The following LINC01488 variants were observed in gnomAD, a reference collection of about 807,000 sequenced individuals.
LINC01488 encodes the protein long independently transcribed non-coding RNA 1488.
At chr11:69,484,259 G>T (rs1236290143) in intron 1 of LINC01488, among the ~76,000 whole-genome samples, 1 of 152,208 alleles carries the variant, frequency 6.6e-6, no homozygotes, top group African/African-American at 2.4e-5. Flanking sequence ...GGGAGAAGGA[G>T]AGTCAGCGCT....
intron 1 of LINC01488, among the ~76,000 whole-genome samples, chr11:69,483,629 C>A (rs927402537): frequency 3.9e-5 from 6 of 152,202 alleles, no homozygotes; most frequent in Non-Finnish European, 7.3e-5. Context: ...GAAGAGGCTG[C>A]TGTGGTCAGG....
intron 1 of LINC01488, among the ~76,000 whole-genome samples, chr11:69,484,198 C>T (rs1305969953): frequency 6.6e-6 from 1 of 152,188 alleles, no homozygotes; most frequent in Non-Finnish European, 1.5e-5. Context: ...CCTCAGAACA[C>T]TCAGCCAAGA....
exon 4 of LINC01488, chr11:69,492,767 G>A (rs946370777): frequency 6.6e-6 from 1 of 152,232 alleles, no homozygotes; most frequent in Non-Finnish European, 1.5e-5. Flanking sequence ...CTGTACGGGG[G>A]TTAAAGAGGA....
chr11:69,483,613 G>A (rs1857068702), intron 1 of LINC01488, among the ~76,000 whole-genome samples: 1 of 152,214 alleles, frequency 6.6e-6, no homozygotes, highest in Non-Finnish European at 1.5e-5. Flanking sequence ...TGGGCTCAGA[G>A]GAGGGGAAGA....
chr11:69,489,518 G>A (rs1048207535), intron 1 of LINC01488, among the ~76,000 whole-genome samples: 1 of 152,220 alleles, frequency 6.6e-6, no homozygotes, highest in African/African-American at 2.4e-5. Context: ...TTTCCCACAG[G>A]CCTCCCATGT....
intron 1 of LINC01488, among the ~76,000 whole-genome samples, chr11:69,486,415 C>T (rs1021212123): frequency 6.6e-6 from 1 of 152,230 alleles, no homozygotes; most frequent in Non-Finnish European, 1.5e-5. Flanking sequence ...CCACTGGGGC[C>T]TCCAGGTTCA....
At chr11:69,489,681 C>T (rs150044971) in intron 1 of LINC01488, among the ~76,000 whole-genome samples, 7 of 152,360 alleles carry the variant, frequency 4.6e-5, no homozygotes, top group South Asian at 2.1e-4. Context: ...TAGGCTCCCC[C>T]GCAGGGACAG....
chr11:69,483,830 C>G (rs1214569455), intron 1 of LINC01488, among the ~76,000 whole-genome samples: 1 of 152,226 alleles, frequency 6.6e-6, no homozygotes, highest in Admixed American at 6.5e-5. Flanking sequence ...GCCGGCCCGG[C>G]TGGCGGGCAG....
At chr11:69,487,972 A>T (rs1461794428) in intron 1 of LINC01488, 1 of 152,470 alleles carries the variant, frequency 6.6e-6, no homozygotes, top group African/African-American at 2.4e-5. Context: ...AGGCACAGAC[A>T]TGGATGGAGG....
At chr11:69,487,634 G>A (rs969139068) in intron 1 of LINC01488, among the ~76,000 whole-genome samples, 31 of 152,180 alleles carry the variant, frequency 2.0e-4, no homozygotes, top group African/African-American at 7.2e-4. Flanking sequence ...CTTGTGGGTC[G>A]TGGAATTTCT....
intron 1 of LINC01488, among the ~76,000 whole-genome samples, chr11:69,489,413 C>G (rs981867383): frequency 6.6e-6 from 1 of 152,250 alleles, no homozygotes; most frequent in Non-Finnish European, 1.5e-5. Flanking sequence ...TGAGAGGGGG[C>G]CTGGGCAGTG....
At chr11:69,491,161 G>A (rs1271323884) in exon 3 of LINC01488, 1 of 152,366 alleles carries the variant, frequency 6.6e-6, no homozygotes, top group Admixed American at 6.5e-5. Flanking sequence ...GAGGGTTGAG[G>A]TGGCCAGTGG....
intron 1 of LINC01488, among the ~76,000 whole-genome samples, chr11:69,484,983 T>G (rs1857090902): frequency 6.6e-6 from 1 of 152,232 alleles, no homozygotes; most frequent in Non-Finnish European, 1.5e-5. Flanking sequence ...ACCAGTAGTT[T>G]GACACAAGTG....
intron 1 of LINC01488, among the ~76,000 whole-genome samples, chr11:69,484,460 T>C (rs890267624): frequency 1.3e-5 from 2 of 152,298 alleles, no homozygotes; most frequent in African/African-American, 4.8e-5. Context: ...CCTTGTTGAA[T>C]GATGTCCCAA....
At chr11:69,490,109 G>A (rs1017712264) in intron 1 of LINC01488, among the ~76,000 whole-genome samples, 3 of 152,168 alleles carry the variant, frequency 2.0e-5, no homozygotes, top group East Asian at 1.9e-4. Context: ...AAGGAGAAGT[G>A]CCCCAGCCCC....
chr11:69,485,056 C>G (rs1857092650), intron 1 of LINC01488, among the ~76,000 whole-genome samples: 4 of 152,120 alleles, frequency 2.6e-5, no homozygotes, highest in Admixed American at 2.6e-4. Flanking sequence ...CACACCTTGT[C>G]CTGAGCTCAG....
At chr11:69,483,959 C>T (rs1314726402) in intron 1 of LINC01488, among the ~76,000 whole-genome samples, 2 of 152,220 alleles carry the variant, frequency 1.3e-5, no homozygotes, top group East Asian at 1.9e-4. Flanking sequence ...CCAAGGGCCC[C>T]GCAGGGGCAG....
intron 1 of LINC01488, among the ~76,000 whole-genome samples, chr11:69,487,561 G>T (rs1290634181): frequency 1.3e-5 from 2 of 152,200 alleles, no homozygotes; most frequent in African/African-American, 4.8e-5. Flanking sequence ...TGCTGGCCCT[G>T]GTGGTCCCCT....
At chr11:69,491,290 C>A (rs1857213658) in exon 3 of LINC01488, 1 of 152,262 alleles carries the variant, frequency 6.6e-6, no homozygotes, top group African/African-American at 2.4e-5. Flanking sequence ...AAAGAGCTGA[C>A]ACCTGGAACG....
Sources: allele counts gnomAD v4.1 joint callset (sites outside exome capture counted in the v4.1 genomes callset), GRCh38; gene constraint gnomAD v4.1.1; transcripts MANE v1.5; gene names NCBI Gene and HGNC (gene_info 2026-07-23, HGNC 2026-07-21).